The following WWOX variants were observed in gnomAD, a reference collection of about 807,000 sequenced individuals.
The protein encoded by WWOX is WW domain containing oxidoreductase, also known as WW domain-containing oxidoreductase.
Under a neutral mutation model 46.2 loss-of-function variants are expected in WWOX, and 69 were observed. That is an observed-to-expected ratio of 1.49 (90% CI 1.23 to 1.82). The LOEUF is 1.82. Among genes scored for constraint, WWOX ranks in the 40% most tolerant of loss-of-function variants. WWOX has a pLI of 0.00. For synonymous variants in WWOX, 359 were observed against 202.6 expected (o/e 1.77, Z -6.56); for missense variants, 919 against 542.6 (o/e 1.69, Z -6.89).
chr16:78,673,627 T>C (rs1597426950), intron 8 of WWOX, among the ~76,000 whole-genome samples: 1 of 152,184 alleles, frequency 6.6e-6, no homozygotes. Context: ...AAAGAAAATA[T>C]TAAGATAAAA....
In WWOX at chr16:78,773,116, G is replaced by C. The variant is rs946910929; in HGVS notation, c.1056+340364G>C. On this transcript the variant is annotated intron_variant, in intron 8 of 8. Coordinates refer to ENST00000566780, the MANE Select transcript of WWOX (RefSeq NM_016373.4). ...TTGCTCAGTGGCTAGTGAGTGGCTA[G>C]ATTGTAAGCTTCATGAGGGCAGGGG... Among the ~76,000 whole-genome samples the C allele has an allele frequency of 4.6e-5, 7 of 152,328 alleles. No individual in the cohort carries two copies. In the South Asian group the frequency reaches 8.3e-4, roughly 18 times the overall value.
chr16:78,964,991 T>C (rs4888891), intron 8 of WWOX, among the ~76,000 whole-genome samples: 148,828 of 152,256 alleles, frequency 0.98, 72,833 homozygotes, highest in East Asian at 1. Context: ...TGGGAACCTC[T>C]GCCTAGTTTT....
intron 8 of WWOX, among the ~76,000 whole-genome samples, chr16:78,798,714 T>C (rs1032826184): frequency 4.6e-5 from 7 of 152,154 alleles, no homozygotes; most frequent in Non-Finnish European, 5.9e-5. Context: ...AGCTATGGGA[T>C]GTACAGCAGA....
chr16:78,324,412 A>G (rs748381008), intron 5 of WWOX, among the ~76,000 whole-genome samples: 2 of 152,124 alleles, frequency 1.3e-5, no homozygotes, highest in East Asian at 1.9e-4. Flanking sequence ...GAGTTCCCAT[A>G]TGACCTAGCA....
At chr16:78,201,820 C>G (rs1185261182) in intron 5 of WWOX, among the ~76,000 whole-genome samples, 1 of 151,998 alleles carries the variant, frequency 6.6e-6, no homozygotes, top group Non-Finnish European at 1.5e-5. Context: ...TTGCCTCAGC[C>G]CCCTGAGTAG....
intron 8 of WWOX, among the ~76,000 whole-genome samples, chr16:79,059,938 G>C (rs912116618): frequency 6.6e-6 from 1 of 152,000 alleles, no homozygotes; most frequent in African/African-American, 2.4e-5. Context: ...TGCTGCTTTT[G>C]GTACACTGAG....
intron 8 of WWOX, among the ~76,000 whole-genome samples, chr16:78,858,369 T>C (rs1288991909): frequency 6.6e-6 from 1 of 152,056 alleles, no homozygotes; most frequent in Non-Finnish European, 1.5e-5. Flanking sequence ...TGTGTGTGTA[T>C]GTATATATAT....
At chr16:79,061,468 A>G (rs1253163793) in intron 8 of WWOX, among the ~76,000 whole-genome samples, 1 of 152,204 alleles carries the variant, frequency 6.6e-6, no homozygotes, top group African/African-American at 2.4e-5. Context: ...GGTGTAAAGC[A>G]TTCAGATCTC....
At chr16:78,441,110 T>C (rs1373672006) in intron 8 of WWOX, among the ~76,000 whole-genome samples, 1 of 151,918 alleles carries the variant, frequency 6.6e-6, no homozygotes, top group Non-Finnish European at 1.5e-5. Flanking sequence ...GCACGGCTGA[T>C]GTTTGTATTT....
chr16:79,185,287 G>A (rs1222601859), intron 8 of WWOX, among the ~76,000 whole-genome samples: 1 of 152,208 alleles, frequency 6.6e-6, no homozygotes, highest in African/African-American at 2.4e-5. Flanking sequence ...AATAAGAGCA[G>A]AGGCAGTCTC....
chr16:78,872,501 G>T lies in WWOX; in HGVS notation c.1057-339107G>T, dbSNP rs1054400671. On this transcript the variant is annotated intron_variant, in intron 8 of 8. Coordinates refer to ENST00000566780, the MANE Select transcript of WWOX (RefSeq NM_016373.4). Reference sequence around the variant, plus strand: ...GATAAAGGGGCTGTGGTGTCACACAGGCCTGGCATCTGTGGCCTTGAACAA... The same window carrying T: ...GATAAAGGGGCTGTGGTGTCACACATGCCTGGCATCTGTGGCCTTGAACAA... Among the ~76,000 whole-genome samples the T allele has an allele frequency of 7.9e-5, 12 of 152,292 alleles. No homozygotes were observed. The East Asian group carries it at 2.1e-3, about 27-fold the overall frequency.
intron 8 of WWOX, among the ~76,000 whole-genome samples, chr16:78,702,174 G>T (rs1337124815): frequency 2.1e-5 from 3 of 144,970 alleles, no homozygotes; most frequent in African/African-American, 7.8e-5. Context: ...CAGCTACTCC[G>T]GAGGCCGAGG....
At chr16:78,609,633 G>A (rs1200612326) in intron 8 of WWOX, among the ~76,000 whole-genome samples, 1 of 151,506 alleles carries the variant, frequency 6.6e-6, no homozygotes, top group East Asian at 2.0e-4. Flanking sequence ...GGGCTTCCTG[G>A]TCCCTGTCAC....
chr16:78,806,354 C>G (rs539588452), intron 8 of WWOX, among the ~76,000 whole-genome samples: 1 of 152,188 alleles, frequency 6.6e-6, no homozygotes, highest in African/African-American at 2.4e-5. Flanking sequence ...TGTTGCATAA[C>G]AAACCACCCC....
chr16:78,664,256 C>T (rs1003293238), intron 8 of WWOX, among the ~76,000 whole-genome samples: 5 of 152,176 alleles, frequency 3.3e-5, no homozygotes, highest in African/African-American at 1.2e-4. Context: ...TTTCGTGTCT[C>T]CCTCCCACTG....
chr16:78,480,898 CT>C (rs2084468649), intron 8 of WWOX, among the ~76,000 whole-genome samples: 1 of 152,180 alleles, frequency 6.6e-6, no homozygotes, highest in Non-Finnish European at 1.5e-5. Flanking sequence ...GAACAAGAGA[CT>C]TACAAACATT....
intron 8 of WWOX, among the ~76,000 whole-genome samples, chr16:78,494,818 A>G (rs535475548): frequency 2.6e-5 from 4 of 152,288 alleles, no homozygotes; most frequent in Non-Finnish European, 4.4e-5. Flanking sequence ...TCAAGATCCT[A>G]TAGCCGGAGG....
At chr16:78,320,671 A>C (rs774542332) in intron 5 of WWOX, among the ~76,000 whole-genome samples, 37 of 152,214 alleles carry the variant, frequency 2.4e-4, no homozygotes, top group Admixed American at 1.3e-4. Flanking sequence ...ATGAAGAATG[A>C]AATATCCAGA....
At chr16:78,764,870 A>G (rs2049891092) in intron 8 of WWOX, among the ~76,000 whole-genome samples, 1 of 152,100 alleles carries the variant, frequency 6.6e-6, no homozygotes, top group Non-Finnish European at 1.5e-5. Flanking sequence ...CTATGGATAT[A>G]ACACTTGTTC....
Sources: allele counts gnomAD v4.1 joint callset (sites outside exome capture counted in the v4.1 genomes callset), GRCh38; gene constraint gnomAD v4.1.1; transcripts MANE v1.5; gene names NCBI Gene and HGNC (gene_info 2026-07-23, HGNC 2026-07-21).